Variants in PATJ observed in about 807,000 individuals in gnomAD.
PATJ encodes the protein PATJ crumbs cell polarity complex component, also known as inaD-like protein.
Under a neutral mutation model 224.9 loss-of-function variants are expected in PATJ, and 190 were observed. That is an observed-to-expected ratio of 0.84 (90% CI 0.75 to 0.95). The LOEUF (loss-of-function observed/expected upper bound fraction) is 0.95, where lower values mean the gene tolerates loss of function less well. Among genes scored for constraint, PATJ ranks in the 40% least tolerant of loss-of-function variants. PATJ has a pLI of 0.00. For synonymous variants in PATJ, 769 were observed against 820.3 expected, an observed-to-expected ratio of 0.94 and a Z score of 1.07; for missense variants, 2,121 against 2,270.3, an observed-to-expected ratio of 0.93 and a Z score of 1.34.
At chr1:61,801,864 G>A in intron 12 of PATJ, 95 bp downstream of exon 12, 1 of 835,222 alleles carries the variant, frequency 1.2e-6, no homozygotes. Flanking sequence ...AATCTTAGAG[G>A]CATTTTGGAG....
At chr1:61,837,317 C>A (rs780577325) in intron 17 of PATJ, among the ~76,000 whole-genome samples, 1 of 152,148 alleles carries the variant, frequency 6.6e-6, no homozygotes, top group Non-Finnish European at 1.5e-5. Flanking sequence ...TCTATCAATT[C>A]TTTAACTCTC....
chr1:62,052,827 C>A (rs2476182), intron 31 of PATJ, among the ~76,000 whole-genome samples: 149,373 of 152,292 alleles, frequency 0.98, 73,276 homozygotes, highest in East Asian at 1. Context: ...TTTTGCACTA[C>A]AGGGAAATGA....
chr1:62,122,897 CTGCT>C, intron 38 of PATJ, 120 bp from the exon 39 acceptor site: 1 of 520,660 alleles, frequency 1.9e-6, no homozygotes, highest in Non-Finnish European at 3.2e-6. Flanking sequence ...GGTACAATAC[CTGCT>C]TGCTTTAGTG....
intron 16 of PATJ, among the ~76,000 whole-genome samples, chr1:61,829,250 A>G (rs2211063): frequency 0.083 from 12,575 of 152,296 alleles, 693 homozygotes; most frequent in East Asian, 0.21. Flanking sequence ...TTAGGCATAT[A>G]AGAGGGGCTT....
intron 32 of PATJ, 129 bp from the exon 33 acceptor site, chr1:62,084,386 T>A: frequency 1.0e-6 from 1 of 953,088 alleles, no homozygotes; most frequent in Non-Finnish European, 1.5e-6. Context: ...GCTTTTTGCT[T>A]CATGGTGTTT....
chr1:61,742,908 C>T (rs969455843), intron 1 of PATJ, among the ~76,000 whole-genome samples: 3 of 152,042 alleles, frequency 2.0e-5, no homozygotes, highest in African/African-American at 4.8e-5. Flanking sequence ...GCCCCGCCTC[C>T]CCAGGCCTTT....
intron 33 of PATJ, among the ~76,000 whole-genome samples, chr1:62,092,552 A>G (rs1007825125): frequency 1.3e-5 from 2 of 148,790 alleles, no homozygotes; most frequent in African/African-American, 5.0e-5. Context: ...TGTAGCTGGG[A>G]TTGCAGGCAC....
chr1:62,001,271 A>C (rs1645753040), intron 28 of PATJ, among the ~76,000 whole-genome samples: 1 of 151,770 alleles, frequency 6.6e-6, no homozygotes, highest in East Asian at 1.9e-4. Flanking sequence ...GCCCATGCCT[A>C]TGTCCTGAAT....
In PATJ at chr1:61,784,527, G is replaced by C. The variant is rs145857645; in HGVS notation, c.850-3227G>C. 1.6e-3 allele frequency among the ~76,000 whole-genome samples: 251 copies of C among 152,204 alleles called. 1 individual carries two copies. Among genetic ancestry groups the C allele is most frequent in the African/African-American group, 5.9e-3 (244 of 41,530 alleles). On this transcript the variant is annotated intron_variant, in intron 7 of 43. Coordinates refer to ENST00000642238, the MANE Select transcript of PATJ (RefSeq NM_001350145.3). ...CTTTCAGTGACAGATGCAAATTATC[G>C]ACATCATTTTAAATTAAGAGTTGAG... is the stretch of plus-strand genomic sequence containing the variant.
intron 1 of PATJ, among the ~76,000 whole-genome samples, chr1:61,751,977 A>G (rs1645358236): frequency 6.6e-6 from 1 of 151,988 alleles, no homozygotes; most frequent in Non-Finnish European, 1.5e-5. Flanking sequence ...TATCTCTACT[A>G]AAAATACAAA....
At chr1:61,905,990 C>T (rs1182321109) in intron 24 of PATJ, among the ~76,000 whole-genome samples, 1 of 152,158 alleles carries the variant, frequency 6.6e-6, no homozygotes, top group Admixed American at 6.5e-5. Flanking sequence ...GGGCTTGGTC[C>T]CACAAGATTG....
At chr1:62,009,488 TG>T (rs1646298907) in intron 28 of PATJ, among the ~76,000 whole-genome samples, 1 of 152,230 alleles carries the variant, frequency 6.6e-6, no homozygotes, top group Non-Finnish European at 1.5e-5. Flanking sequence ...ATCTTTTTGC[TG>T]GTGGAGAGTC....
intron 33 of PATJ, among the ~76,000 whole-genome samples, chr1:62,087,192 G>A (rs116236695): frequency 0.011 from 1,661 of 152,024 alleles, 13 homozygotes; most frequent in Middle Eastern, 0.031. Context: ...GCTGTCAGTG[G>A]AGAGGGGAGC....
chr1:62,064,622 G>T (rs371199800), intron 31 of PATJ, among the ~76,000 whole-genome samples: 1 of 152,110 alleles, frequency 6.6e-6, no homozygotes, highest in Admixed American at 6.6e-5. Context: ...CCACCGCGCC[G>T]GGCCTTCATA....
chr1:62,050,016 T>C (rs1041605626), intron 30 of PATJ, among the ~76,000 whole-genome samples: 2 of 150,750 alleles, frequency 1.3e-5, no homozygotes, highest in African/African-American at 4.9e-5. Flanking sequence ...CTCAGGAGGC[T>C]GAGGCACAAG....
At chr1:61,815,857 T>G (rs747162465) in intron 14 of PATJ, among the ~76,000 whole-genome samples, 2 of 152,106 alleles carry the variant, frequency 1.3e-5, no homozygotes, top group African/African-American at 4.8e-5. Flanking sequence ...ACAAGAACAG[T>G]TTTCCCGCAT....
chr1:61,934,961 C>G (rs796728275), intron 27 of PATJ, among the ~76,000 whole-genome samples: 1 of 152,202 alleles, frequency 6.6e-6, no homozygotes, highest in Non-Finnish European at 1.5e-5. Context: ...CATGCCATTT[C>G]CTACCTTATC....
intron 22 of PATJ, among the ~76,000 whole-genome samples, chr1:61,893,457 A>T (rs74782196): frequency 0.017 from 2,568 of 150,200 alleles, 76 homozygotes; most frequent in African/African-American, 0.059. Flanking sequence ...CTATTTGTTG[A>T]AGGTTGCTTT....
rs1171763283 is a variant in PATJ at position 61,856,141 on chromosome 1, G to T, written c.2224G>T (p.Glu742Ter). Residue 742 changes from glutamate (E) to a stop codon, truncating the protein, a stop_gained, in exon 18 of 44, where the codon GAA (glutamate) becomes TAA (stop). Transcript: ENST00000642238. LOFTEE classifies it high-confidence loss of function. ...TGGAGACCGCCTGGTCTCAGTCAAT[G>T]AATACTGTTTGGACAACACCTCACT... ...LPGDRLVSVN[E>*]YCLDNTSLAE... 1 of 1,614,030 alleles carries T rather than the reference G, an allele frequency of 6.2e-7. No homozygotes were observed. The highest frequency in any genetic ancestry group is 1.3e-5 in the African/African-American group (1 of 74,934).
Sources: gnomAD v4.1 joint callset for allele counts (sites outside exome capture counted in the v4.1 genomes callset) on GRCh38, gnomAD v4.1.1 for gene constraint, MANE v1.5 for transcripts, NCBI Gene and HGNC (gene_info 2026-07-23, HGNC 2026-07-21) for gene names.